FRAS1: variants seen among roughly 807,000 people sequenced by gnomAD.
The protein encoded by FRAS1 is Fraser extracellular matrix complex subunit 1.
A neutral mutation model predicts 435.2 loss-of-function variants in FRAS1; 290 were observed. That is an observed-to-expected ratio of 0.67 (90% CI 0.61 to 0.73). FRAS1 has a LOEUF of 0.73. Among genes scored for constraint, FRAS1 ranks in the 30% least tolerant of loss-of-function variants. The pLI is 0.00. For missense variants in FRAS1, 4,860 were observed against 5,001.5 expected, an observed-to-expected ratio of 0.97 and a Z score of 0.85; for synonymous variants, 1,800 against 1,851.0, an observed-to-expected ratio of 0.97 and a Z score of 0.71.
At chr4:78,277,148 G>T (rs1727086171) in intron 9 of FRAS1, among the ~76,000 whole-genome samples, 1 of 152,196 alleles carries the variant, frequency 6.6e-6, no homozygotes, top group South Asian at 2.1e-4. Flanking sequence ...TGTGCCATTT[G>T]CTAAGACCAT....
intron 53 of FRAS1, 129 bp from the exon 54 acceptor site, chr4:78,475,309 G>A (rs1165220001): frequency 1.1e-6 from 1 of 910,070 alleles, no homozygotes; most frequent in African/African-American, 1.7e-5. Flanking sequence ...TGGATTCTTA[G>A]AGGAACCAAA....
chr4:78,505,996 G>A (rs1720827404), intron 61 of FRAS1, among the ~76,000 whole-genome samples: 2 of 152,196 alleles, frequency 1.3e-5, no homozygotes, highest in African/African-American at 4.8e-5. Flanking sequence ...TCCCTCAGCT[G>A]CAGGTCTGTT....
intron 2 of FRAS1, among the ~76,000 whole-genome samples, chr4:78,116,578 T>A (rs1253553714): frequency 6.6e-6 from 1 of 152,260 alleles, no homozygotes; most frequent in African/African-American, 2.4e-5. Flanking sequence ...CCTTTACCAT[T>A]ACGTAATGGC....
At chr4:78,450,419 T>A in intron 45 of FRAS1, 80 bp downstream of exon 45, 1 of 1,146,886 alleles carries the variant, frequency 8.7e-7, no homozygotes, top group Non-Finnish European at 1.3e-6. Flanking sequence ...TATCTGGTAG[T>A]CTATGGCAAT....
At chr4:78,288,077 A>C (rs1727696271) in intron 14 of FRAS1, among the ~76,000 whole-genome samples, 2 of 152,194 alleles carry the variant, frequency 1.3e-5, no homozygotes, top group Admixed American at 6.5e-5. Flanking sequence ...TTCAAAGACC[A>C]GTGTTTCAAT....
At chr4:78,068,908 A>G (rs1740193106) in intron 2 of FRAS1, among the ~76,000 whole-genome samples, 1 of 147,814 alleles carries the variant, frequency 6.8e-6, no homozygotes, top group Admixed American at 6.8e-5. Context: ...CTCTCTCCAC[A>G]TGCCCTAGCG....
At chr4:78,433,423 T>G (rs1002037850) in intron 38 of FRAS1, among the ~76,000 whole-genome samples, 14 of 152,258 alleles carry the variant, frequency 9.2e-5, no homozygotes, top group Middle Eastern at 3.2e-3. Flanking sequence ...TTTACTAATC[T>G]TAAAGTTCCA....
At chr4:78,065,360 A>T (rs1502885) in intron 1 of FRAS1, among the ~76,000 whole-genome samples, 37,243 of 151,212 alleles carry the variant, frequency 0.25, 4,969 homozygotes, top group East Asian at 0.35. Context: ...GTAGTGGGGT[A>T]AATACAACAT....
At chr4:78,457,126 C>T (rs985109395) in intron 47 of FRAS1, among the ~76,000 whole-genome samples, 1 of 152,200 alleles carries the variant, frequency 6.6e-6, no homozygotes, top group African/African-American at 2.4e-5. Context: ...AAGATCTTCT[C>T]TGATCTGTCA....
intron 9 of FRAS1, among the ~76,000 whole-genome samples, chr4:78,277,935 C>T (rs1193645746): frequency 1.3e-5 from 2 of 151,996 alleles, no homozygotes; most frequent in African/African-American, 2.4e-5. Context: ...CCTCAGCCTC[C>T]TGAGTAGCTG....
chr4:78,165,268 A>G (rs1461706155), intron 2 of FRAS1, among the ~76,000 whole-genome samples: 1 of 152,192 alleles, frequency 6.6e-6, no homozygotes, highest in Non-Finnish European at 1.5e-5. Context: ...AGTGCCTTAC[A>G]GTGTGTTCCA....
chr4:78,214,492 T>C (rs1441213908), intron 2 of FRAS1, among the ~76,000 whole-genome samples: 1 of 152,228 alleles, frequency 6.6e-6, no homozygotes, highest in African/African-American at 2.4e-5. Context: ...TTCATCTGCC[T>C]TTCCCATTTT....
chr4:78,087,062 A>T (rs932696285), intron 2 of FRAS1, among the ~76,000 whole-genome samples: 2 of 152,210 alleles, frequency 1.3e-5, no homozygotes, highest in East Asian at 1.9e-4. Flanking sequence ...AGCACATCAA[A>T]AAGCCTATCC....
chr4:78,537,049 C>A lies in FRAS1; in HGVS notation c.11147C>A (p.Ala3716Asp), dbSNP rs750359559. The change falls in exon 72 of 74, where the codon GCT becomes GAT. Residue 3716 changes from alanine to aspartate, a missense_variant. Coordinates refer to ENST00000512123, the MANE Select transcript of FRAS1 (RefSeq NM_025074.7). Reference protein sequence around the residue: ...LWNPEQNLNSAYKLQLEKVYL... With the variant: ...LWNPEQNLNSDYKLQLEKVYL... ...AATCCAGAACAAAATCTTAATTCTG[C>A]TTACAAACTCCAGCTGGAGAAAGTC... The A allele has an allele frequency of 6.2e-7, 1 of 1,613,990 alleles. No individual in the cohort carries two copies. Among genetic ancestry groups the A allele is most frequent in the Non-Finnish European group, 8.5e-7 (1 of 1,179,884 alleles).
chr4:78,362,596 G>A (rs942882290), intron 20 of FRAS1, among the ~76,000 whole-genome samples: 10 of 152,210 alleles, frequency 6.6e-5, no homozygotes, highest in South Asian at 2.1e-4. Flanking sequence ...GTTTCCCTCC[G>A]CTGGTGAGGG....
chr4:78,327,055 A>T (rs1729747656), intron 18 of FRAS1, among the ~76,000 whole-genome samples: 1 of 152,124 alleles, frequency 6.6e-6, no homozygotes, highest in South Asian at 2.1e-4. Flanking sequence ...ATGTTCATTT[A>T]AAAAAAGAAA....
At chr4:78,157,499 A>G (rs112703548) in intron 2 of FRAS1, among the ~76,000 whole-genome samples, 36 of 152,264 alleles carry the variant, frequency 2.4e-4, no homozygotes, top group African/African-American at 7.0e-4. Flanking sequence ...TTGACTTTTT[A>G]GTAATAGCCA....
rs757311669 is a variant in FRAS1 at position 78,438,905 on chromosome 4, C to G, written c.5370C>G (p.Tyr1790Ter). The G allele has an allele frequency of 9.3e-6, 15 of 1,604,300 alleles. No homozygotes were observed. In the South Asian group the frequency reaches 1.6e-4, roughly 17 times the overall value. The change falls in exon 40 of 74, where the codon TAC becomes TAG. Residue 1790 changes from tyrosine (Y) to a stop codon, truncating the protein, a stop_gained. Coordinates refer to ENST00000512123, the MANE Select transcript of FRAS1 (RefSeq NM_025074.7). LOFTEE classifies it high-confidence loss of function. ...MEDINNKKIR[Y>*]SAVFETDGHL... The stretch of plus-strand genomic sequence containing the variant: ...GATTCTTTTTGTTTTTTTATAGATA[C>G]TCAGCTGTGTTTGAAACTGATGGTC...
chr4:78,257,855 C>G (rs6846166), intron 6 of FRAS1, among the ~76,000 whole-genome samples: 139,164 of 152,232 alleles, frequency 0.91, 64,741 homozygotes, highest in Non-Finnish European at 1. Context: ...CTGAAATTGC[C>G]TGCTTTCAAC....
Sources: allele counts gnomAD v4.1 joint callset (sites outside exome capture counted in the v4.1 genomes callset), GRCh38; gene constraint gnomAD v4.1.1; transcripts MANE v1.5; gene names NCBI Gene and HGNC (gene_info 2026-07-23, HGNC 2026-07-21).